The following DLG2 variants were observed in gnomAD, a reference collection of about 807,000 sequenced individuals.
DLG2 encodes disks large homolog 2.
Under a neutral mutation model 132.5 loss-of-function variants are expected in DLG2, and 45 were observed. The ratio of observed to expected loss-of-function variants is 0.34; its 90% CI spans 0.27 to 0.44. The LOEUF is 0.44. Ranked by LOEUF, DLG2 falls within the 20% of genes least tolerant of loss-of-function variation. DLG2 has a pLI of 1.00. For missense variants in DLG2, 1,045 were observed against 1,196.9 expected (o/e 0.87, Z 1.87); for synonymous variants, 424 against 419.6 (o/e 1.01, Z -0.13).
chr11:85,466,116 G>C (rs929140119), intron 3 of DLG2, among the ~76,000 whole-genome samples: 1 of 152,220 alleles, frequency 6.6e-6, no homozygotes. Flanking sequence ...TTTGAGAAGT[G>C]TCTGTTAATA....
chr11:84,847,714 A>C (rs2081651349), intron 6 of DLG2, among the ~76,000 whole-genome samples: 1 of 152,162 alleles, frequency 6.6e-6, no homozygotes, highest in South Asian at 2.1e-4. Context: ...GAAAAATTTG[A>C]GGCCATGCCT....
At position 83,833,762 on chromosome 11, in the gene DLG2, C is replaced by A. The variant is rs139555691; in HGVS notation, c.1574G>T (p.Arg525Leu). 1.2e-6 allele frequency: 2 copies of A among 1,613,474 alleles called. No homozygotes were observed. Among genetic ancestry groups the A allele is most frequent in the Non-Finnish European group, 1.7e-6 (2 of 1,179,696 alleles). ...GGAGCCTTTGTGCAGGACTACCTTG[C>A]GAGGCTCTCTGCAGAAAGAAATAGA... ...QRAVSLEGEP[R>L]KVVLHKGSTG... Residue 525 changes from arginine to leucine, a missense_variant, in exon 17 of 28, where the codon CGC (arginine) becomes CTC (leucine). Arg to Leu is a moderately radical substitution (Grantham distance 102). Around this residue, in one of 4 missense-constraint regions of DLG2, gnomAD observed 261 missense variants for 256.1 expected, o/e 1.02. Transcript: ENST00000376104.
At chr11:84,566,670 T>C (rs2099457338) in intron 6 of DLG2, among the ~76,000 whole-genome samples, 2 of 152,320 alleles carry the variant, frequency 1.3e-5, no homozygotes, top group South Asian at 2.1e-4. Flanking sequence ...ACTGAATTGA[T>C]AACTGATTAT....
intron 7 of DLG2, among the ~76,000 whole-genome samples, chr11:84,532,336 A>G (rs890757008): frequency 6.6e-6 from 1 of 152,118 alleles, no homozygotes; most frequent in Non-Finnish European, 1.5e-5. Flanking sequence ...TAAATATAAT[A>G]CTAATAATCA....
chr11:85,150,793 T>C (rs2077200705), intron 5 of DLG2, among the ~76,000 whole-genome samples: 1 of 151,504 alleles, frequency 6.6e-6, no homozygotes, highest in African/African-American at 2.4e-5. Flanking sequence ...GACATTTGGG[T>C]TGCTTCCACC....
At chr11:85,583,130 G>GTGTGTGTATATATATATATATATA (rs1555190569) in intron 3 of DLG2, among the ~76,000 whole-genome samples, 1 of 13,598 alleles carries the variant, frequency 7.4e-5, no homozygotes, top group Non-Finnish European at 1.6e-4. Flanking sequence ...GTGTGTGTGT[G>GTGTGTGTATATATATATATATATA]TATATATATA....
intron 3 of DLG2, among the ~76,000 whole-genome samples, chr11:85,543,752 T>C (rs566156067): frequency 6.6e-6 from 1 of 152,374 alleles, no homozygotes; most frequent in East Asian, 1.9e-4. Context: ...GATGAGCTTT[T>C]TCTCATATGT....
At chr11:85,385,153 T>C (rs187052816) in intron 3 of DLG2, among the ~76,000 whole-genome samples, 1 of 152,322 alleles carries the variant, frequency 6.6e-6, no homozygotes, top group East Asian at 1.9e-4. Flanking sequence ...AGTACAAAAT[T>C]ATCTACTTTA....
intron 6 of DLG2, among the ~76,000 whole-genome samples, chr11:84,665,886 A>G (rs1375938694): frequency 1.3e-5 from 2 of 152,184 alleles, no homozygotes; most frequent in African/African-American, 4.8e-5. Context: ...CAAGTAAAAG[A>G]AGATGTGGGA....
intron 21 of DLG2, among the ~76,000 whole-genome samples, chr11:83,489,928 A>G (rs553062739): frequency 6.7e-6 from 1 of 149,916 alleles, no homozygotes; most frequent in South Asian, 2.1e-4. Flanking sequence ...GAAGACTCTT[A>G]AGATGGTGAC....
chr11:84,231,846 G>C (rs2097097851), intron 8 of DLG2, among the ~76,000 whole-genome samples: 1 of 152,082 alleles, frequency 6.6e-6, no homozygotes, highest in Non-Finnish European at 1.5e-5. Flanking sequence ...AGGGAGTCCA[G>C]GAGAGTAGTA....
intron 8 of DLG2, among the ~76,000 whole-genome samples, chr11:84,247,161 C>A (rs953488695): frequency 6.6e-6 from 1 of 152,146 alleles, no homozygotes; most frequent in Non-Finnish European, 1.5e-5. Flanking sequence ...ATTCTAGAAT[C>A]TCTCTAATTT....
intron 18 of DLG2, among the ~76,000 whole-genome samples, chr11:83,762,537 C>T (rs1382995078): frequency 6.6e-6 from 1 of 151,744 alleles, no homozygotes; most frequent in Non-Finnish European, 1.5e-5. Flanking sequence ...TAGTAATTTT[C>T]ATGATAAGGA....
chr11:84,772,499 C>T (rs2069603563), intron 6 of DLG2, among the ~76,000 whole-genome samples: 2 of 152,274 alleles, frequency 1.3e-5, no homozygotes, highest in South Asian at 4.1e-4. Context: ...ATACATTCTT[C>T]TCATCTGCAC....
chr11:84,728,215 T>C (rs1482980587), intron 6 of DLG2, among the ~76,000 whole-genome samples: 2 of 152,300 alleles, frequency 1.3e-5, no homozygotes, highest in Non-Finnish European at 1.5e-5. Context: ...AGTATGATAT[T>C]GGCTGTGGGT....
At chr11:84,747,857 A>C (rs1248574941) in intron 6 of DLG2, among the ~76,000 whole-genome samples, 2 of 152,230 alleles carry the variant, frequency 1.3e-5, no homozygotes, top group African/African-American at 4.8e-5. Context: ...TGAATAGTCA[A>C]CTTGACAACA....
chr11:85,094,197 C>T (rs2069337071), intron 6 of DLG2, among the ~76,000 whole-genome samples: 1 of 152,160 alleles, frequency 6.6e-6, no homozygotes, highest in Admixed American at 6.5e-5. Flanking sequence ...CTTTGTTCTT[C>T]CAATTCTAGA....
chr11:85,499,491 T>C (rs1413546459), intron 3 of DLG2, among the ~76,000 whole-genome samples: 3 of 152,108 alleles, frequency 2.0e-5, no homozygotes, highest in Non-Finnish European at 4.4e-5. Flanking sequence ...ACCAGATGGA[T>C]TTACAGCCAG....
At chr11:84,066,922 C>A (rs1196901629) in intron 10 of DLG2, among the ~76,000 whole-genome samples, 2 of 152,176 alleles carry the variant, frequency 1.3e-5, no homozygotes, top group African/African-American at 4.8e-5. Flanking sequence ...TAATTACAGA[C>A]CAAAGGGCCA....
Sources: allele counts gnomAD v4.1 joint callset (sites outside exome capture counted in the v4.1 genomes callset), GRCh38; gene constraint gnomAD v4.1.1; regional missense constraint gnomAD v4.1.1; transcripts MANE v1.5; gene names NCBI Gene and HGNC (gene_info 2026-07-23, HGNC 2026-07-21).